Variants in CTNNA3 observed in about 807,000 individuals in gnomAD.
CTNNA3 encodes the protein catenin alpha-3.
Under a neutral mutation model 95.7 loss-of-function variants are expected in CTNNA3, and 76 were observed. That is an observed-to-expected ratio of 0.79 (90% CI 0.66 to 0.96). The LOEUF is 0.96. Among genes scored for constraint, CTNNA3 ranks in the 40% least tolerant of loss-of-function variants. The probability of loss-of-function intolerance (pLI) is 0.00; values close to 1 mark genes in which losing one functional copy is unlikely to be tolerated. For missense variants in CTNNA3, 1,191 were observed against 1,089.8 expected (o/e 1.09, Z -1.31); for synonymous variants, 431 against 374.4 (o/e 1.15, Z -1.74).
intron 7 of CTNNA3, among the ~76,000 whole-genome samples, chr10:66,969,762 AC>A (rs897825428): frequency 1.3e-5 from 2 of 152,012 alleles, no homozygotes; most frequent in African/African-American, 4.8e-5. Flanking sequence ...AACTATTTGT[AC>A]TTCTTTTGTG....
At chr10:66,805,108 G>A (rs183863979) in intron 7 of CTNNA3, among the ~76,000 whole-genome samples, 12 of 152,148 alleles carry the variant, frequency 7.9e-5, no homozygotes, top group Admixed American at 6.6e-4. Context: ...CACACGTGTC[G>A]TCACAATTTG....
intron 4 of CTNNA3, among the ~76,000 whole-genome samples, chr10:67,527,033 G>A (rs756340525): frequency 2.0e-5 from 3 of 152,170 alleles, no homozygotes; most frequent in Non-Finnish European, 4.4e-5. Flanking sequence ...GAGGCTGGCA[G>A]ATCAATTGAG....
At chr10:67,423,447 G>A (rs958212781) in intron 5 of CTNNA3, among the ~76,000 whole-genome samples, 4 of 152,102 alleles carry the variant, frequency 2.6e-5, no homozygotes, top group Admixed American at 1.3e-4. Context: ...CAAGGAACTC[G>A]CTTTGCTACC....
chr10:67,696,048 T>C lies in CTNNA3; in HGVS notation c.-54A>G, dbSNP rs1160162362. 6.6e-6 allele frequency: 1 copy of C among 151,960 alleles called. No homozygotes were observed. Among genetic ancestry groups the C allele is most frequent in the Admixed American group, 6.6e-5 (1 of 15,242 alleles). The allele number at this position is 151,960 out of a possible 1,614,324, so 9.4% of individuals were successfully genotyped here. A position where few individuals can be genotyped will look rare whatever the true frequency, so the allele number is the denominator to read the frequency against. On this transcript the variant is annotated 5_prime_UTR_variant, in exon 1 of 18. Coordinates refer to ENST00000433211, the MANE Select transcript of CTNNA3 (RefSeq NM_013266.4). ...AAATGGGCTTAAAATTCAGCTCCCG[T>C]AGGGAATTTTCCAAAAAGAGCTTTG... is the stretch of plus-strand genomic sequence containing the variant.
At chr10:66,207,602 T>A (rs1307296653) in intron 13 of CTNNA3, among the ~76,000 whole-genome samples, 1 of 152,064 alleles carries the variant, frequency 6.6e-6, no homozygotes, top group Admixed American at 6.6e-5. Context: ...AATTTAAGTA[T>A]CTATCTTGCC....
chr10:66,659,746 T>A (rs1846194962), intron 9 of CTNNA3, among the ~76,000 whole-genome samples: 1 of 152,086 alleles, frequency 6.6e-6, no homozygotes, highest in Non-Finnish European at 1.5e-5. Context: ...TAGAAAGTAT[T>A]ATCTATGAAC....
At chr10:66,360,905 C>T in intron 12 of CTNNA3, among the ~76,000 whole-genome samples, 1 of 121,850 alleles carries the variant, frequency 8.2e-6, no homozygotes, top group Non-Finnish European at 1.7e-5. Context: ...TTCTTTCTCT[C>T]TCTCTCTCTC....
At chr10:66,297,087 TATA>T (rs2091791450) in intron 12 of CTNNA3, among the ~76,000 whole-genome samples, 1 of 152,164 alleles carries the variant, frequency 6.6e-6, no homozygotes, top group Non-Finnish European at 1.5e-5. Flanking sequence ...ATTAATGAAA[TATA>T]ATGTGTGAGC....
intron 10 of CTNNA3, among the ~76,000 whole-genome samples, chr10:66,543,979 T>C (rs1290283575): frequency 7.5e-6 from 1 of 132,936 alleles, no homozygotes; most frequent in Admixed American, 7.8e-5. Context: ...TTTTCTTTAT[T>C]TTATTCTATC....
At chr10:67,375,288 A>T (rs554825948) in intron 5 of CTNNA3, among the ~76,000 whole-genome samples, 1 of 152,330 alleles carries the variant, frequency 6.6e-6, no homozygotes, top group South Asian at 2.1e-4. Context: ...TATCACAATG[A>T]GTCAAGGTCA....
chr10:66,933,818 G>A (rs527398175), intron 7 of CTNNA3, among the ~76,000 whole-genome samples: 35 of 152,240 alleles, frequency 2.3e-4, no homozygotes, highest in African/African-American at 7.9e-4. Context: ...GGCTTCCTCC[G>A]CTGGATGTAG....
intron 7 of CTNNA3, among the ~76,000 whole-genome samples, chr10:67,036,275 C>CA (rs897590428): frequency 6.9e-6 from 1 of 145,544 alleles, no homozygotes; most frequent in Non-Finnish European, 1.5e-5. Context: ...CCACACCCAG[C>CA]TTTTTTTTTT....
At chr10:66,663,154 A>G (rs1846321666) in intron 9 of CTNNA3, among the ~76,000 whole-genome samples, 1 of 152,100 alleles carries the variant, frequency 6.6e-6, no homozygotes, top group African/African-American at 2.4e-5. Flanking sequence ...TTCTCTACAC[A>G]ACAGCCAGAA....
chr10:66,247,468 G>A (rs1047714879), intron 13 of CTNNA3, among the ~76,000 whole-genome samples: 20 of 152,076 alleles, frequency 1.3e-4, no homozygotes, highest in African/African-American at 4.1e-4. Context: ...CAAAATCTAC[G>A]ATATCAATAT....
chr10:66,158,244 A>G (rs1027216684), intron 13 of CTNNA3, among the ~76,000 whole-genome samples: 2 of 152,162 alleles, frequency 1.3e-5, no homozygotes, highest in African/African-American at 4.8e-5. Flanking sequence ...GCCCAAGCCA[A>G]TGTCTAGAAG....
intron 14 of CTNNA3, among the ~76,000 whole-genome samples, chr10:66,091,297 A>G (rs777865116): frequency 6.6e-6 from 1 of 151,910 alleles, no homozygotes; most frequent in Non-Finnish European, 1.5e-5. Flanking sequence ...GTAATTATCT[A>G]CTAAAATACT....
intron 12 of CTNNA3, among the ~76,000 whole-genome samples, chr10:66,284,629 G>A (rs1444574376): frequency 6.6e-6 from 1 of 151,852 alleles, no homozygotes; most frequent in African/African-American, 2.4e-5. Context: ...GAAAGTAGGT[G>A]AGGATACATT....
intron 13 of CTNNA3, among the ~76,000 whole-genome samples, chr10:66,200,705 C>T (rs4746554): frequency 0.57 from 86,030 of 152,038 alleles, 24,727 homozygotes; most frequent in African/African-American, 0.67. Flanking sequence ...ATTTCTGAAA[C>T]ATGCATATGA....
intron 15 of CTNNA3, among the ~76,000 whole-genome samples, chr10:66,032,310 G>T (rs920689440): frequency 6.6e-5 from 10 of 151,964 alleles, no homozygotes; most frequent in African/African-American, 2.4e-4. Flanking sequence ...AAAACCCTTT[G>T]ATTAAATTAT....
Sources: gnomAD v4.1 joint callset for allele counts (sites outside exome capture counted in the v4.1 genomes callset) on GRCh38, gnomAD v4.1.1 for gene constraint, MANE v1.5 for transcripts, NCBI Gene and HGNC (gene_info 2026-07-23, HGNC 2026-07-21) for gene names.